Variants in MALAT1 observed in about 807,000 individuals in gnomAD.
The protein encoded by MALAT1 is metastasis associated lung adenocarcinoma transcript 1, also known as hepcarcin.
chr11:65,499,015 T>C lies in MALAT1; in HGVS notation n.278T>C, dbSNP rs372517124. The C allele has an allele frequency of 4.0e-5, 21 of 518,770 alleles. No homozygotes were observed. The East Asian group carries it at 1.1e-3, about 27-fold the overall frequency. The allele number at this position is 518,770 out of a possible 1,614,324, so 32.1% of individuals were successfully genotyped here. On this transcript the variant is annotated non_coding_transcript_exon_variant, in exon 3 of 4. Coordinates refer to ENST00000619449, the Ensembl canonical transcript of MALAT1. ...CCGGTGATGCGAGTTGTTCTCCGTCTATAAATACGCCTCGCCCGAGCTGTG... is the reference window on the plus strand; with the variant it reads ...CCGGTGATGCGAGTTGTTCTCCGTCCATAAATACGCCTCGCCCGAGCTGTG...
chr11:65,506,278 A>G lies in MALAT1; in HGVS notation n.5187A>G, dbSNP rs114089122. The G allele has an allele frequency of 6.9e-4, 316 of 454,970 alleles. 1 individual carries two copies. The highest frequency in any genetic ancestry group is 5.8e-3 in the African/African-American group (282 of 48,558). 28.2% of individuals were successfully genotyped at this position (454,970 alleles called of 1,614,324 possible). A position where few individuals can be genotyped will look rare whatever the true frequency, so the allele number is the denominator to read the frequency against. ...TGGGGAGGTGGGAGGTAACAGCACAATATCTTTGAACTATATACATCCTTG... is the reference window on the plus strand; with the variant it reads ...TGGGGAGGTGGGAGGTAACAGCACAGTATCTTTGAACTATATACATCCTTG... On this transcript the variant is annotated non_coding_transcript_exon_variant, in exon 4 of 4. Transcript: ENST00000619449.
chr11:65,505,127 G>C (rs186451925), intron 3 of MALAT1: 8 of 518,752 alleles, frequency 1.5e-5, no homozygotes, highest in Admixed American at 9.7e-5. Flanking sequence ...TGAGCAAACT[G>C]TGTTGGCGTG....
At chr11:65,499,578 A>G in exon 3 of MALAT1, 3 of 454,520 alleles carry the variant, frequency 6.6e-6, no homozygotes, top group African/African-American at 2.0e-5. Context: ...TAGTTAACGC[A>G]TTTACTAAAC....
intron 3 of MALAT1, chr11:65,505,847 G>A (rs752228659): frequency 1.1e-5 from 5 of 475,986 alleles, no homozygotes; most frequent in Non-Finnish European, 4.2e-6. Context: ...GAACTGTAAT[G>A]CTGGGTGGGA....
At chr11:65,502,539 A>G (rs1381395213) in exon 3 of MALAT1, 2 of 484,492 alleles carry the variant, frequency 4.1e-6, no homozygotes, top group Admixed American at 2.4e-5. Context: ...CTGTTTGTAA[A>G]TTGTAACTGA....
chr11:65,506,322 GCTTGA>G (rs754970662), exon 4 of MALAT1: 1 of 469,890 alleles, frequency 2.1e-6, no homozygotes, highest in Non-Finnish European at 4.1e-6. Flanking sequence ...TTTGTCAGGA[GCTTGA>G]CTTGATTGTA....
exon 3 of MALAT1, chr11:65,502,094 G>A (rs751549943): frequency 3.1e-5 from 16 of 516,282 alleles, no homozygotes; most frequent in Non-Finnish European, 4.6e-5. Context: ...GTGTACCAGT[G>A]CATTAATTTG....
At chr11:65,497,960 C>T (rs11227209) in intron 1 of MALAT1, 3 of 518,848 alleles carry the variant, frequency 5.8e-6, no homozygotes, top group East Asian at 5.4e-5. Context: ...TCCTTATAGG[C>T]TGGCCATTCC....
At chr11:65,502,812 C>G (rs766216613) in exon 3 of MALAT1, 19 of 510,732 alleles carry the variant, frequency 3.7e-5, no homozygotes, top group Non-Finnish European at 6.3e-5. Context: ...AGAACATTAT[C>G]TGCATATGCC....
exon 3 of MALAT1, chr11:65,499,140 A>G (rs749542612): frequency 1.9e-6 from 1 of 516,292 alleles, no homozygotes; most frequent in Non-Finnish European, 3.9e-6. Context: ...AAAGATAGAG[A>G]TTAATACAAC....
In MALAT1 at chr11:65,503,899, TAGAC is replaced by T. The variant is rs138668622; in HGVS notation, n.5165_5168del. The T allele has an allele frequency of 5.8e-4, 299 of 517,886 alleles. 2 individuals carry two copies. The highest frequency in any genetic ancestry group is 1.3e-3 in the African/African-American group (67 of 52,062). The allele number at this position is 517,886 out of a possible 1,614,324, so 32.1% of individuals were successfully genotyped here. ...TCTAAATAAGGAATAAATAACCTCT[TAGAC>T]AGGTGGGAGATTATGATCAGAGTAA... On this transcript the variant is annotated splice_region_variant and non_coding_transcript_exon_variant, in exon 3 of 4. Transcript: ENST00000619449.
At chr11:65,500,031 C>A (rs759509927) in exon 3 of MALAT1, 4 of 431,446 alleles carry the variant, frequency 9.3e-6, no homozygotes, top group Non-Finnish European at 1.8e-5. Context: ...AAAAGCCCAT[C>A]AATTTAATTT....
chr11:65,505,888 C>CATTT, intron 3 of MALAT1: 1 of 438,934 alleles, frequency 2.3e-6, no homozygotes, highest in Non-Finnish European at 4.5e-6. Context: ...AGAAGATAGG[C>CATTT]ATTTGAGTGG....
At chr11:65,502,855 T>TA (rs1367233090) in exon 3 of MALAT1, 1 of 498,512 alleles carries the variant, frequency 2.0e-6, no homozygotes, top group Admixed American at 2.1e-5. Flanking sequence ...GCTACCAATT[T>TA]AAAGTTACGG....
exon 3 of MALAT1, chr11:65,500,937 A>T (rs745605025): frequency 2.0e-6 from 1 of 512,464 alleles, no homozygotes; most frequent in Non-Finnish European, 3.9e-6. Flanking sequence ...GCTTATACTC[A>T]TGAATCTTGT....
chr11:65,502,216 T>G, exon 3 of MALAT1: 1 of 518,986 alleles, frequency 1.9e-6, no homozygotes, highest in South Asian at 1.4e-5. Flanking sequence ...GGGCTGACAT[T>G]AACTACAATT....
intron 3 of MALAT1, chr11:65,505,355 G>A (rs1420302704): frequency 7.7e-6 from 4 of 518,252 alleles, no homozygotes; most frequent in South Asian, 5.6e-5. Context: ...CTGGAGTGAA[G>A]CATCCGAAGG....
At chr11:65,502,274 T>C in exon 3 of MALAT1, 1 of 518,038 alleles carries the variant, frequency 1.9e-6, no homozygotes, top group Non-Finnish European at 3.9e-6. Context: ...TGGTTCTCTT[T>C]TGGAATTTTT....
At chr11:65,501,512 T>A (rs1433145392) in exon 3 of MALAT1, 3 of 518,520 alleles carry the variant, frequency 5.8e-6, no homozygotes, top group African/African-American at 5.8e-5. Context: ...TGTTATTTTT[T>A]ACTTGAAGCA....
Sources: gnomAD v4.1 joint callset for allele counts on GRCh38, gnomAD v4.1.1 for gene constraint, MANE v1.5 for transcripts, NCBI Gene and HGNC (gene_info 2026-07-23, HGNC 2026-07-21) for gene names.